The following BRSK1 variants were observed in gnomAD, a reference collection of about 807,000 sequenced individuals.
BRSK1 encodes BR serine/threonine kinase 1.
Under a neutral mutation model 86.2 loss-of-function variants are expected in BRSK1, and 17 were observed. That is an observed-to-expected ratio of 0.20 (90% CI 0.14 to 0.30). The LOEUF (loss-of-function observed/expected upper bound fraction) is 0.30, where lower values mean the gene tolerates loss of function less well. Ranked by LOEUF, BRSK1 falls within the 10% of genes least tolerant of loss-of-function variation. The pLI is 1.00. For synonymous variants in BRSK1, 464 were observed against 440.1 expected (o/e 1.05, Z -0.68); for missense variants, 719 against 1,071.9 (o/e 0.67, Z 4.60).
At position 55,303,507 on chromosome 19, in the gene BRSK1, G is replaced by T; in HGVS notation, c.1126+99G>T. The T allele has an allele frequency of 6.7e-7, 1 of 1,488,844 alleles. No homozygotes were observed. The allele number at this position is 1,488,844 out of a possible 1,614,324, so 92.2% of individuals were successfully genotyped here. A position where few individuals can be genotyped will look rare whatever the true frequency, so the allele number is the denominator to read the frequency against. ...TTCCCAAGGAAAGAAGGGGCTGCAG[G>T]CTCTGAGCTTCCAGCTTTAGACTGC... is the stretch of plus-strand genomic sequence containing the variant. On this transcript the variant is annotated intron_variant, in intron 11 of 18. Transcript: ENST00000309383. The surrounding 1 kb of genome is among the most constrained non-coding windows in gnomAD (Gnocchi z 5.1).
At position 55,304,273 on chromosome 19, in the gene BRSK1, C is replaced by T. The variant is rs767265908; in HGVS notation, c.1347+163C>T. Among the ~76,000 whole-genome samples, 4 of 152,136 alleles carry T rather than the reference C, an allele frequency of 2.6e-5. No individual in the cohort carries two copies. The highest frequency in any genetic ancestry group is 6.5e-5 in the Admixed American group (1 of 15,276). ...CCTCCAAAGTATTTTGGTCCATTGG[C>T]CATTTCTACCTCCTTAGGATTGCAT... On this transcript the variant is annotated intron_variant, in intron 13 of 18. Transcript: ENST00000309383. The surrounding 1 kb of genome is among the most constrained non-coding windows in gnomAD (Gnocchi z 5.2).
chr19:55,305,243 G>A (rs1036816700), intron 14 of BRSK1, 78 bp from the exon 15 acceptor site: 1 of 1,560,574 alleles, frequency 6.4e-7, no homozygotes. Flanking sequence ...CCCTGGGAGG[G>A]GGCGAGTGCA....
At position 55,302,685 on chromosome 19, in the gene BRSK1, C is replaced by G. The variant is rs2088589542; in HGVS notation, c.858-12C>G. 6.3e-7 allele frequency: 1 copy of G among 1,597,456 alleles called. No homozygotes were observed. Among genetic ancestry groups the G allele is most frequent in the South Asian group, 1.1e-5 (1 of 90,538 alleles). ...AAGCCCGGTTCCCAATAATGTTTCT[C>G]CACTTCCCCAGAGGCGGGAAACACG... is the stretch of plus-strand genomic sequence containing the variant. On this transcript the variant is annotated splice_polypyrimidine_tract_variant and intron_variant, in intron 9 of 18. Coordinates refer to ENST00000309383, the MANE Select transcript of BRSK1 (RefSeq NM_032430.2). The surrounding 1 kb of genome is among the most constrained non-coding windows in gnomAD (Gnocchi z 6.3).
At chr19:55,308,010 G>A (rs1231537221) in intron 17 of BRSK1, among the ~76,000 whole-genome samples, 1 of 147,276 alleles carries the variant, frequency 6.8e-6, no homozygotes, top group South Asian at 2.1e-4. Context: ...TTTTTTTGTT[G>A]TTGTTGTTGT....
intron 7 of BRSK1, among the ~76,000 whole-genome samples, chr19:55,296,447 C>T (rs1268054618): frequency 6.6e-6 from 1 of 152,138 alleles, no homozygotes; most frequent in Non-Finnish European, 1.5e-5. Flanking sequence ...CCAGTAATCC[C>T]AGCACTTTGG....
chr19:55,300,622 T>G (rs1181054052), intron 7 of BRSK1, among the ~76,000 whole-genome samples: 1 of 152,178 alleles, frequency 6.6e-6, no homozygotes, highest in Non-Finnish European at 1.5e-5. Context: ...GTGGATCACT[T>G]GAGGTTGGGC....
In BRSK1 at chr19:55,306,479, C is replaced by G. The variant is rs1346127627; in HGVS notation, c.2089+29C>G. On this transcript the variant is annotated intron_variant, in intron 17 of 18. Coordinates refer to ENST00000309383, the MANE Select transcript of BRSK1 (RefSeq NM_032430.2). This position sits in a 1 kb window ranked among gnomAD's most constrained non-coding sequence, Gnocchi z 4.7. ...AGTCTCTTGGCTAGGCTGCCTGCAG[C>G]CCAGTGCTGGGACTGTTCACGACAG... is the stretch of plus-strand genomic sequence containing the variant. 6.2e-7 allele frequency: 1 copy of G among 1,607,930 alleles called. No individual in the cohort carries two copies.
chr19:55,304,431 T>C lies in BRSK1; in HGVS notation c.1348-120T>C, dbSNP rs1201290910. The C allele has an allele frequency of 5.0e-5, 61 of 1,224,506 alleles. No homozygotes were observed. Among genetic ancestry groups the C allele is most frequent in the Non-Finnish European group, 6.5e-5 (59 of 906,394 alleles). 75.9% of individuals were successfully genotyped at this position (1,224,506 alleles called of 1,614,324 possible). A position where few individuals can be genotyped will look rare whatever the true frequency, so the allele number is the denominator to read the frequency against. ...TCTGGGGCCTGGGAAGGAGGATACT[T>C]GGACTACAAGTTGCAGCATGCACCG... On this transcript the variant is annotated intron_variant, in intron 13 of 18. Coordinates refer to ENST00000309383, the MANE Select transcript of BRSK1 (RefSeq NM_032430.2). This position sits in a 1 kb window ranked among gnomAD's most constrained non-coding sequence, Gnocchi z 5.2.
chr19:55,285,432 G>A (rs1442184231), intron 1 of BRSK1, among the ~76,000 whole-genome samples: 2 of 152,126 alleles, frequency 1.3e-5, no homozygotes, highest in South Asian at 4.1e-4. Flanking sequence ...GGGACCTGAG[G>A]TTCTTGCTGC....
intron 7 of BRSK1, among the ~76,000 whole-genome samples, chr19:55,296,353 A>G (rs989097215): frequency 2.6e-5 from 4 of 152,146 alleles, no homozygotes; most frequent in African/African-American, 9.7e-5. Context: ...TTGCCTTTGC[A>G]AACCTAAAGT....
In BRSK1 at chr19:55,303,870, C is replaced by G. The variant is rs2088608029; in HGVS notation, c.1286+44C>G. The G allele has an allele frequency of 6.5e-7, 1 of 1,538,146 alleles. No individual in the cohort carries two copies. The highest frequency in any genetic ancestry group is 1.4e-5 in the African/African-American group (1 of 72,380). On this transcript the variant is annotated intron_variant, in intron 12 of 18. Transcript: ENST00000309383. This position sits in a 1 kb window ranked among gnomAD's most constrained non-coding sequence, Gnocchi z 5.1. ...CCAGGAGGATCCACAATCCCTGGGT[C>G]TAGGAGTTCAAGATTCTAACCCCAG...
At position 55,303,198 on chromosome 19, in the gene BRSK1, A is replaced by C. The variant is rs1015274670; in HGVS notation, c.1029-113A>C. ...GAAACTGACCATACTGATACCTAGAAAAAATGGAACCATGGGCAGAAATAC... is the reference window on the plus strand; with the variant it reads ...GAAACTGACCATACTGATACCTAGACAAAATGGAACCATGGGCAGAAATAC... On this transcript the variant is annotated intron_variant, in intron 10 of 18. Coordinates refer to ENST00000309383, the MANE Select transcript of BRSK1 (RefSeq NM_032430.2). The surrounding 1 kb of genome is among the most constrained non-coding windows in gnomAD (Gnocchi z 5.1). 3 of 852,842 alleles carry C rather than the reference A, an allele frequency of 3.5e-6. No homozygotes were observed. Among genetic ancestry groups the C allele is most frequent in the Non-Finnish European group, 5.7e-6 (3 of 528,340 alleles). 52.8% of individuals were successfully genotyped at this position (852,842 alleles called of 1,614,324 possible).
At chr19:55,290,251 C>G (rs987771663) in intron 4 of BRSK1, among the ~76,000 whole-genome samples, 52 of 152,198 alleles carry the variant, frequency 3.4e-4, no homozygotes, top group African/African-American at 1.2e-3. Context: ...CCGCCTAGGC[C>G]TCCTAAAGTG....
In BRSK1 at chr19:55,311,955, C is replaced by A. The variant is rs759885128; in HGVS notation, c.2224C>A (p.Arg742=). 1.8e-5 allele frequency: 29 copies of A among 1,609,306 alleles called. No homozygotes were observed. Among genetic ancestry groups the A allele is most frequent in the Non-Finnish European group, 2.4e-5 (28 of 1,178,232 alleles). The stretch of plus-strand genomic sequence containing the variant: ...GACCCGGCCTGCTGGTGCCCCACCC[C>A]GAAGCCTGCAGCCCCCACCCGGCCG... ...AQTRPAGAPP[R]SLQPPPGRPD... is the part of the protein sequence containing the mutation. Residue 742 remains arginine (R), a synonymous_variant, in exon 19 of 19, where the codon CGA becomes AGA. Coordinates refer to ENST00000309383, the MANE Select transcript of BRSK1 (RefSeq NM_032430.2).
Position 55,304,748 on chromosome 19 carries a change from C to G in BRSK1, c.1545C>G (p.Thr515=). ...GCTCCCCGCGCTCCTCTGGCGGGAC[C>G]CCCTTGCACTCGCCTCTGCACACGC... The part of the protein sequence containing the change: ...PPGSPRSSGG[T]PLHSPLHTPR... The change falls in exon 14 of 19, where the codon ACC becomes ACG. Residue 515 remains threonine (T), a synonymous_variant. Coordinates refer to ENST00000309383, the MANE Select transcript of BRSK1 (RefSeq NM_032430.2). This position sits in a 1 kb window ranked among gnomAD's most constrained non-coding sequence, Gnocchi z 5.2. 6.5e-7 allele frequency: 1 copy of G among 1,535,538 alleles called. No homozygotes were observed. The highest frequency in any genetic ancestry group is 8.7e-7 in the Non-Finnish European group (1 of 1,145,980).
chr19:55,302,476 C>T lies in BRSK1; in HGVS notation c.858-221C>T, dbSNP rs1181401271. On this transcript the variant is annotated intron_variant, in intron 9 of 18. Coordinates refer to ENST00000309383, the MANE Select transcript of BRSK1 (RefSeq NM_032430.2). The surrounding 1 kb of genome is among the most constrained non-coding windows in gnomAD (Gnocchi z 6.3). ...ACTTCTGGGTCTGAAGAAGGAGGGG[C>T]CGGGGGCCTGGACCCCTCGGTCGGA... 2 of 636,048 alleles carry T rather than the reference C, an allele frequency of 3.1e-6. No homozygotes were observed. Among genetic ancestry groups the T allele is most frequent in the Non-Finnish European group, 5.4e-6 (2 of 372,450 alleles). The allele number at this position is 636,048 out of a possible 1,614,324, so 39.4% of individuals were successfully genotyped here. A position where few individuals can be genotyped will look rare whatever the true frequency, so the allele number is the denominator to read the frequency against.
chr19:55,302,491 C>T lies in BRSK1; in HGVS notation c.858-206C>T. ...GAAGGAGGGGCCGGGGGCCTGGACC[C>T]CTCGGTCGGAGGGAAAAGGGGCTGG... On this transcript the variant is annotated intron_variant, in intron 9 of 18. Transcript: ENST00000309383. This position sits in a 1 kb window ranked among gnomAD's most constrained non-coding sequence, Gnocchi z 6.3. 1.5e-6 allele frequency: 1 copy of T among 671,370 alleles called. No homozygotes were observed. The highest frequency in any genetic ancestry group is 2.5e-6 in the Non-Finnish European group (1 of 403,018). The allele number at this position is 671,370 out of a possible 1,614,324, so 41.6% of individuals were successfully genotyped here.
chr19:55,284,492 T>TG lies in BRSK1; in HGVS notation c.50_51insG (p.His19ProfsTer31). On this transcript the variant is annotated frameshift_variant, in exon 1 of 19. Coordinates refer to ENST00000309383, the MANE Select transcript of BRSK1 (RefSeq NM_032430.2). LOFTEE classifies it high-confidence loss of function. ...GGTGGGGGCTCTCCCGCCTACCACC[T>TG]CCCCCACCCCCACCCCCACCCACCC... 6.4e-6 allele frequency: 5 copies of TG among 776,244 alleles called. No individual in the cohort carries two copies. Among genetic ancestry groups the TG allele is most frequent in the Non-Finnish European group, 5.5e-6 (3 of 546,154 alleles). The allele number at this position is 776,244 out of a possible 1,614,324, so 48.1% of individuals were successfully genotyped here. A position where few individuals can be genotyped will look rare whatever the true frequency, so the allele number is the denominator to read the frequency against.
Position 55,306,401 on chromosome 19 carries a change from C to G in BRSK1, c.2040C>G (p.Asp680Glu). The change falls in exon 17 of 19, where the codon GAC becomes GAG. Residue 680 changes from aspartate (D) to glutamate (E), a missense_variant. Physicochemically the swap from Asp to Glu is conservative, Grantham distance 45 (BLOSUM62 2). Transcript: ENST00000309383. This position sits in a 1 kb window ranked among gnomAD's most constrained non-coding sequence, Gnocchi z 4.7. ...GTCCAGAGCCCTCCCCGCGACGGGA[C>G]GGCAGCGGAGGTGGTGGCATCTACT... ...SEGPEPSPRR[D>E]GSGGGGIYSV... 6.2e-7 allele frequency: 1 copy of G among 1,613,870 alleles called. No homozygotes were observed. The highest frequency in any genetic ancestry group is 8.5e-7 in the Non-Finnish European group (1 of 1,180,036).
Sources: allele counts gnomAD v4.1 joint callset (sites outside exome capture counted in the v4.1 genomes callset), GRCh38; gene constraint gnomAD v4.1.1; non-coding constraint Gnocchi (gnomAD v3.1); transcripts MANE v1.5; gene names NCBI Gene and HGNC (gene_info 2026-07-23, HGNC 2026-07-21).